ZBTB7C: variants seen among roughly 807,000 people sequenced by gnomAD.
ZBTB7C encodes the protein zinc finger and BTB domain containing 7C, also known as zinc finger and BTB domain-containing protein 7C.
ZBTB7C carries 8 observed loss-of-function variants against 25.7 expected under a neutral mutation model. The ratio of observed to expected loss-of-function variants is 0.31; its 90% CI spans 0.18 to 0.56. The LOEUF is 0.56. ZBTB7C is among the 20% of genes least tolerant of loss of function. ZBTB7C has a pLI of 0.91. For missense variants in ZBTB7C, 824 were observed against 855.2 expected (o/e 0.96, Z 0.46); for synonymous variants, 394 against 369.0 (o/e 1.07, Z -0.78).
intron 3 of ZBTB7C, among the ~76,000 whole-genome samples, chr18:48,120,590 C>T (rs1452628824): frequency 1.3e-5 from 2 of 151,978 alleles, no homozygotes; most frequent in African/African-American, 4.8e-5. Context: ...AGCCTGGTGA[C>T]AGAGTGAGAC....
chr18:48,051,252 C>T (rs1209810013), intron 3 of ZBTB7C, among the ~76,000 whole-genome samples: 1 of 152,188 alleles, frequency 6.6e-6, no homozygotes, highest in African/African-American at 2.4e-5. Flanking sequence ...TACCGAAGAG[C>T]GTAGCCCAAG....
intron 3 of ZBTB7C, among the ~76,000 whole-genome samples, chr18:48,131,856 G>T (rs1319105768): frequency 6.6e-6 from 1 of 152,118 alleles, no homozygotes; most frequent in Non-Finnish European, 1.5e-5. Flanking sequence ...TTAAAGATAG[G>T]ACGGCTACAA....
intron 3 of ZBTB7C, among the ~76,000 whole-genome samples, chr18:48,102,064 C>T (rs2038851622): frequency 6.6e-6 from 1 of 152,120 alleles, no homozygotes; most frequent in Non-Finnish European, 1.5e-5. Context: ...CTAAAAAAAG[C>T]TTCTCACACT....
At chr18:48,099,705 G>A (rs534350183) in intron 3 of ZBTB7C, among the ~76,000 whole-genome samples, 2 of 152,318 alleles carry the variant, frequency 1.3e-5, no homozygotes, top group Non-Finnish European at 2.9e-5. Context: ...GGGGTCAGGC[G>A]GTCCCAGCTG....
At chr18:48,199,945 C>CA (rs2042399506) in intron 2 of ZBTB7C, among the ~76,000 whole-genome samples, 1 of 151,968 alleles carries the variant, frequency 6.6e-6, no homozygotes, top group South Asian at 2.1e-4. Context: ...TGAGTGGTGA[C>CA]ACTTCTAGCA....
In ZBTB7C at chr18:48,150,927, G is replaced by A. The variant is rs2040656599; in HGVS notation, c.-17+35007C>T. 3.3e-5 allele frequency: 5 copies of A among 152,324 alleles called. No individual in the cohort carries two copies. In the South Asian group the frequency reaches 1.0e-3, roughly 32 times the overall value. 9.4% of individuals were successfully genotyped at this position (152,324 alleles called of 1,614,324 possible). ...TCAGTACGTGGATTTCAAATCCTCTGCCAGAATCTCCTGGACAGATGCTTA... is the reference window on the plus strand; with the variant it reads ...TCAGTACGTGGATTTCAAATCCTCTACCAGAATCTCCTGGACAGATGCTTA... On this transcript the variant is annotated intron_variant, in intron 3 of 4. Coordinates refer to ENST00000590800, the MANE Select transcript of ZBTB7C (RefSeq NM_001318841.2).
chr18:48,344,863 A>G (rs2046691563), intron 1 of ZBTB7C, among the ~76,000 whole-genome samples: 1 of 152,100 alleles, frequency 6.6e-6, no homozygotes, highest in Non-Finnish European at 1.5e-5. Flanking sequence ...ATGTGTTTTT[A>G]TTTATTTGTC....
intron 3 of ZBTB7C, among the ~76,000 whole-genome samples, chr18:48,060,300 G>A (rs1295344758): frequency 6.6e-6 from 1 of 152,204 alleles, no homozygotes; most frequent in Non-Finnish European, 1.5e-5. Flanking sequence ...AGAAAGGAAA[G>A]GCAGGGCATG....
chr18:48,215,497 G>A (rs2042802118), intron 2 of ZBTB7C, among the ~76,000 whole-genome samples: 1 of 152,216 alleles, frequency 6.6e-6, no homozygotes, highest in Non-Finnish European at 1.5e-5. Flanking sequence ...ACTTGAAGCA[G>A]TGAATTACAA....
intron 3 of ZBTB7C, among the ~76,000 whole-genome samples, chr18:48,068,693 T>C (rs2037429038): frequency 6.6e-6 from 1 of 152,142 alleles, no homozygotes; most frequent in African/African-American, 2.4e-5. Context: ...GCAAATTCCC[T>C]GGGCCCCATC....
intron 3 of ZBTB7C, among the ~76,000 whole-genome samples, chr18:48,158,248 C>T (rs73431341): frequency 0.039 from 5,863 of 152,256 alleles, 330 homozygotes; most frequent in African/African-American, 0.13. Context: ...CTATCAGGAA[C>T]GACAGGTGAT....
intron 1 of ZBTB7C, among the ~76,000 whole-genome samples, chr18:48,348,812 G>A (rs2046799472): frequency 6.6e-6 from 1 of 152,212 alleles, no homozygotes; most frequent in Admixed American, 6.5e-5. Flanking sequence ...GCTAGACTTT[G>A]TATCAAAAAC....
rs149254029 is a variant in ZBTB7C, at chr18:48,228,029, CA to C, written c.-78-42035del. Reference sequence around the variant, plus strand: ...ATCAAAGAGAGAGAGGTGAGTGGGGCAAAAAGGTGATGGAGAGGCCGCCCCA... The same window carrying C: ...ATCAAAGAGAGAGAGGTGAGTGGGGCAAAAGGTGATGGAGAGGCCGCCCCA... On this transcript the variant is annotated intron_variant, in intron 2 of 4. Transcript: ENST00000590800. 7.2e-5 allele frequency among the ~76,000 whole-genome samples: 11 copies of C among 152,160 alleles called. No homozygotes were observed. The East Asian group carries it at 2.1e-3, about 29-fold the overall frequency.
At chr18:48,145,732 C>A (rs1436387417) in intron 3 of ZBTB7C, among the ~76,000 whole-genome samples, 3 of 152,178 alleles carry the variant, frequency 2.0e-5, no homozygotes, top group Non-Finnish European at 4.4e-5. Flanking sequence ...TAGATGGTCT[C>A]TATTTGTGTC....
intron 3 of ZBTB7C, among the ~76,000 whole-genome samples, chr18:48,098,962 A>G (rs1014710752): frequency 1.3e-5 from 2 of 152,182 alleles, no homozygotes; most frequent in Admixed American, 1.3e-4. Flanking sequence ...CTGAGTCCTG[A>G]GTTTGCTGAG....
In ZBTB7C at chr18:48,137,331, G is replaced by C; in HGVS notation, c.-17+48603C>G. ...AATTAAGATCTTTGGAAAAGGTAAA[G>C]CAGAAATAAAGGCAAGGGCGGTGGA... On this transcript the variant is annotated intron_variant, in intron 3 of 4. Transcript: ENST00000590800. 6.1e-6 allele frequency: 6 copies of C among 985,426 alleles called. No homozygotes were observed. In the South Asian group the frequency reaches 1.4e-4, roughly 23 times the overall value. 61.0% of individuals were successfully genotyped at this position (985,426 alleles called of 1,614,324 possible).
intron 3 of ZBTB7C, among the ~76,000 whole-genome samples, chr18:48,180,860 C>T (rs902603483): frequency 2.6e-5 from 4 of 152,170 alleles, no homozygotes; most frequent in African/African-American, 7.2e-5. Flanking sequence ...TAGGGTCTGA[C>T]GAAAGCCCAG....
chr18:48,088,558 T>C (rs1487089369), intron 3 of ZBTB7C, among the ~76,000 whole-genome samples: 3 of 152,262 alleles, frequency 2.0e-5, no homozygotes, highest in Non-Finnish European at 1.5e-5. Flanking sequence ...CCAGCCCTAG[T>C]GGCTCACACC....
At chr18:48,396,832 C>G (rs2048038357) in intron 1 of ZBTB7C, among the ~76,000 whole-genome samples, 1 of 152,206 alleles carries the variant, frequency 6.6e-6, no homozygotes, top group African/African-American at 2.4e-5. Context: ...TGGTGGTTGT[C>G]AGCAAGTCAC....
Sources: gnomAD v4.1 joint callset for allele counts (sites outside exome capture counted in the v4.1 genomes callset) on GRCh38, gnomAD v4.1.1 for gene constraint, MANE v1.5 for transcripts, NCBI Gene and HGNC (gene_info 2026-07-23, HGNC 2026-07-21) for gene names.